C8orf34: variants seen among roughly 807,000 people sequenced by gnomAD.
C8orf34 encodes uncharacterized protein C8orf34.
C8orf34 carries 65 observed loss-of-function variants against 68.3 expected under a neutral mutation model. The ratio of observed to expected loss-of-function variants is 0.95; its 90% CI spans 0.78 to 1.17. The LOEUF is 1.17. C8orf34 is among the 50% of genes most tolerant of loss of function. The probability of loss-of-function intolerance (pLI) is 0.00; values close to 1 mark genes in which losing one functional copy is unlikely to be tolerated. For synonymous variants in C8orf34, 244 were observed against 241.2 expected (o/e 1.01, Z -0.11); for missense variants, 664 against 655.4 (o/e 1.01, Z -0.14).
At chr8:68,574,303 T>A (rs1007231134) in intron 7 of C8orf34, among the ~76,000 whole-genome samples, 3 of 152,008 alleles carry the variant, frequency 2.0e-5, no homozygotes, top group African/African-American at 7.2e-5. Context: ...TACAAGAGAT[T>A]TTACCTTAGC....
intron 12 of C8orf34, among the ~76,000 whole-genome samples, chr8:68,813,481 C>A (rs142776382): frequency 6.6e-6 from 1 of 152,130 alleles, no homozygotes; most frequent in Non-Finnish European, 1.5e-5. Flanking sequence ...CAGATCTTTG[C>A]ACCATGCTCT....
chr8:68,450,963 A>T (rs1586165147), intron 3 of C8orf34, among the ~76,000 whole-genome samples: 1 of 152,142 alleles, frequency 6.6e-6, no homozygotes, highest in Admixed American at 6.6e-5. Flanking sequence ...TTGTTCCAAC[A>T]TGAGACTGTT....
At chr8:68,331,499 C>G (rs1453264807) in intron 1 of C8orf34, 160 bp downstream of exon 1, 2 of 818,008 alleles carry the variant, frequency 2.4e-6, no homozygotes, top group Admixed American at 2.1e-5. Flanking sequence ...CGCTCTGTCC[C>G]GGCCAGGTGT....
intron 10 of C8orf34, among the ~76,000 whole-genome samples, chr8:68,750,767 C>G (rs1433822572): frequency 6.6e-6 from 1 of 152,048 alleles, no homozygotes; most frequent in African/African-American, 2.4e-5. Context: ...ATTAGTCATC[C>G]TCATAGTTCC....
intron 10 of C8orf34, among the ~76,000 whole-genome samples, chr8:68,739,810 C>T (rs7815302): frequency 0.11 from 16,715 of 151,844 alleles, 1,037 homozygotes; most frequent in East Asian, 0.22. Context: ...AACAAACAAA[C>T]GAACAAAAAC....
intron 7 of C8orf34, chr8:68,535,132 T>C (rs549736679): frequency 1.0e-6 from 1 of 985,104 alleles, no homozygotes; most frequent in African/African-American, 1.7e-5. Flanking sequence ...ATTCAATTTC[T>C]TGTTTTTGAA....
Position 68,681,081 on chromosome 8 carries a change from C to T in C8orf34, c.1242-27913C>T, listed in dbSNP as rs546062916. ...AAATATGGCTGTTTTTGCTTGACCCCGCAGGCAGTCAGACCTTATGGTTGT... is the reference window on the plus strand; with the variant it reads ...AAATATGGCTGTTTTTGCTTGACCCTGCAGGCAGTCAGACCTTATGGTTGT... On this transcript the variant is annotated intron_variant, in intron 8 of 13. Transcript: ENST00000518698. Among the ~76,000 whole-genome samples, 179 of 152,200 alleles carry T rather than the reference C, an allele frequency of 1.2e-3. 1 individual carries two copies. The highest frequency in any genetic ancestry group is 4.0e-3 in the African/African-American group (167 of 41,536).
chr8:68,795,925 T>C (rs1454971597), intron 12 of C8orf34, among the ~76,000 whole-genome samples: 1 of 152,214 alleles, frequency 6.6e-6, no homozygotes, highest in African/African-American at 2.4e-5. Flanking sequence ...GCAGAGGTTC[T>C]CACTGAGTGA....
chr8:68,375,635 A>G (rs1807759991), intron 1 of C8orf34, among the ~76,000 whole-genome samples: 2 of 152,224 alleles, frequency 1.3e-5, no homozygotes, highest in African/African-American at 2.4e-5. Flanking sequence ...TGACAGACCA[A>G]TTCATGAAGT....
intron 7 of C8orf34, among the ~76,000 whole-genome samples, chr8:68,573,872 T>A (rs912864067): frequency 6.6e-6 from 1 of 152,184 alleles, no homozygotes; most frequent in Non-Finnish European, 1.5e-5. Context: ...GTACATCTCA[T>A]GAAATGTTAG....
chr8:68,476,727 T>C (rs988217293), intron 4 of C8orf34, among the ~76,000 whole-genome samples: 1 of 152,182 alleles, frequency 6.6e-6, no homozygotes, highest in African/African-American at 2.4e-5. Flanking sequence ...TGGGCAAAGA[T>C]ATATGTAACA....
chr8:68,398,848 G>A (rs573204395), intron 1 of C8orf34, among the ~76,000 whole-genome samples: 2 of 152,118 alleles, frequency 1.3e-5, no homozygotes, highest in African/African-American at 4.8e-5. Flanking sequence ...AGGTGACAGC[G>A]CAGCAGTGTC....
At chr8:68,614,139 T>G (rs1818117661) in intron 7 of C8orf34, among the ~76,000 whole-genome samples, 1 of 152,156 alleles carries the variant, frequency 6.6e-6, no homozygotes. Context: ...TGGGATTGTT[T>G]GTTTTTTTCT....
rs376741715 is a variant in C8orf34 at position 68,349,241 on chromosome 8, T to A, written c.327+17902T>A. On this transcript the variant is annotated intron_variant, in intron 1 of 13. Transcript: ENST00000518698. Reference sequence around the variant, plus strand: ...GTGTCTATTGACATAATCATGTGGTTTTTGTCTTTAGTTCTGTTTATGTGA... The same window carrying A: ...GTGTCTATTGACATAATCATGTGGTATTTGTCTTTAGTTCTGTTTATGTGA... Among the ~76,000 whole-genome samples the A allele has an allele frequency of 1.2e-3, 181 of 152,200 alleles. 7 individuals carry two copies. In the South Asian group the frequency reaches 0.035, roughly 29 times the overall value.
chr8:68,649,128 C>G (rs1258923594), intron 8 of C8orf34, among the ~76,000 whole-genome samples: 1 of 152,130 alleles, frequency 6.6e-6, no homozygotes, highest in East Asian at 1.9e-4. Flanking sequence ...AAAAGGATTA[C>G]TATCACTTGT....
At chr8:68,624,536 C>A (rs1818479940) in intron 7 of C8orf34, among the ~76,000 whole-genome samples, 1 of 152,138 alleles carries the variant, frequency 6.6e-6, no homozygotes. Context: ...CTTAGGCAAA[C>A]CCTTTAGACT....
At chr8:68,610,373 A>G (rs1192236931) in intron 7 of C8orf34, among the ~76,000 whole-genome samples, 2 of 152,122 alleles carry the variant, frequency 1.3e-5, no homozygotes, top group Non-Finnish European at 2.9e-5. Flanking sequence ...AACAGTGGTT[A>G]TATTATTTAT....
At chr8:68,595,092 A>G (rs1817504566) in intron 7 of C8orf34, among the ~76,000 whole-genome samples, 1 of 148,534 alleles carries the variant, frequency 6.7e-6, no homozygotes, top group Admixed American at 6.7e-5. Context: ...CCAGAGTTTT[A>G]GTTCTGGGGT....
intron 10 of C8orf34, among the ~76,000 whole-genome samples, chr8:68,764,390 T>G (rs1585847614): frequency 6.6e-6 from 1 of 152,320 alleles, no homozygotes; most frequent in East Asian, 1.9e-4. Flanking sequence ...CTTGCAAATA[T>G]TAAGGTTGGG....
Sources: gnomAD v4.1 joint callset for allele counts (sites outside exome capture counted in the v4.1 genomes callset) on GRCh38, gnomAD v4.1.1 for gene constraint, MANE v1.5 for transcripts, NCBI Gene and HGNC (gene_info 2026-07-23, HGNC 2026-07-21) for gene names.